The following PHC2 variants were observed in gnomAD, a reference collection of about 807,000 sequenced individuals.
PHC2 encodes the protein polyhomeotic homolog 2.
In PHC2, 29 loss-of-function variants were observed where a neutral mutation model predicts 87.4. The ratio of observed to expected loss-of-function variants is 0.33; its 90% confidence interval spans 0.25 to 0.45. The LOEUF (loss-of-function observed/expected upper bound fraction) is 0.45. Ranked by LOEUF, PHC2 falls within the 20% of genes least tolerant of loss-of-function variation. The pLI is 1.00. For missense variants in PHC2, 857 were observed against 1,136.7 expected, an observed-to-expected ratio of 0.75 and a Z score of 3.54; for synonymous variants, 438 against 461.7, an observed-to-expected ratio of 0.95 and a Z score of 0.66.
Position 33,349,512 on chromosome 1 carries a change from G to A in PHC2, c.1558+4889C>T, listed in dbSNP as rs1646916648. 15 of 984,730 alleles carry A rather than the reference G, an allele frequency of 1.5e-5. No individual in the cohort carries two copies. Among genetic ancestry groups the A allele is most frequent in the Admixed American group, 6.1e-5 (1 of 16,280 alleles). 61.0% of individuals were successfully genotyped at this position (984,730 alleles called of 1,614,324 possible). A position where few individuals can be genotyped will look rare whatever the true frequency, so the allele number is the denominator to read the frequency against. ...GTAGGCCCGGGCCGTTAGGGGCACCGAGGGCGGTGCCCGACTTCCAGTGCG... is the reference window on the plus strand; with the variant it reads ...GTAGGCCCGGGCCGTTAGGGGCACCAAGGGCGGTGCCCGACTTCCAGTGCG... On this transcript the variant is annotated intron_variant, in intron 9 of 14. Transcript: ENST00000683057. The surrounding 1 kb of genome is among the most constrained non-coding windows in gnomAD (Gnocchi z 4.2).
At chr1:33,418,889 T>G (rs1650314563) in intron 1 of PHC2, among the ~76,000 whole-genome samples, 1 of 152,240 alleles carries the variant, frequency 6.6e-6, no homozygotes, top group African/African-American at 2.4e-5. Flanking sequence ...GAAAAGACTT[T>G]AGACACTGTC....
At chr1:33,404,886 C>G (rs1452967898) in intron 1 of PHC2, among the ~76,000 whole-genome samples, 3 of 152,154 alleles carry the variant, frequency 2.0e-5, no homozygotes, top group African/African-American at 7.2e-5. Flanking sequence ...GACAAGGAGA[C>G]AGTCATTGCA....
chr1:33,374,120 T>C (rs1360701708), intron 2 of PHC2, among the ~76,000 whole-genome samples: 1 of 152,208 alleles, frequency 6.6e-6, no homozygotes, highest in East Asian at 1.9e-4. Context: ...TCCCTTTGCC[T>C]AGGCCTTTCT....
chr1:33,349,860 G>A lies in PHC2; in HGVS notation c.1558+4541C>T, dbSNP rs536766656. On this transcript the variant is annotated intron_variant, in intron 9 of 14. Transcript: ENST00000683057. This position sits in a 1 kb window ranked among gnomAD's most constrained non-coding sequence, Gnocchi z 4.2. The stretch of plus-strand genomic sequence containing the variant: ...CGGCCGGGGTTGCGCGCGCGCGCGC[G>A]GCGGGCGCTCGAGGGCTGCAGCCGC... The A allele has an allele frequency of 3.3e-5, 32 of 975,370 alleles. No homozygotes were observed. The South Asian group carries it at 6.0e-4, about 18-fold the overall frequency. 60.4% of individuals were successfully genotyped at this position (975,370 alleles called of 1,614,324 possible). A position where few individuals can be genotyped will look rare whatever the true frequency, so the allele number is the denominator to read the frequency against.
chr1:33,334,803 C>T lies in PHC2; in HGVS notation c.1559-511G>A, dbSNP rs1362424580. Among the ~76,000 whole-genome samples the T allele has an allele frequency of 6.6e-6, 1 of 152,156 alleles. No homozygotes were observed. The highest frequency in any genetic ancestry group is 2.4e-5 in the African/African-American group (1 of 41,434). ...CCCTGTGAAATGTCAAAACACTGAA[C>T]CCCAGAAATTGATGCCAAGGGAATG... On this transcript the variant is annotated intron_variant, in intron 9 of 14. Transcript: ENST00000683057. This position sits in a 1 kb window ranked among gnomAD's most constrained non-coding sequence, Gnocchi z 5.5.
In PHC2 at chr1:33,349,363, C is replaced by A. The variant is rs950601948; in HGVS notation, c.1558+5038G>T. On this transcript the variant is annotated intron_variant, in intron 9 of 14. Transcript: ENST00000683057. The surrounding 1 kb of genome is among the most constrained non-coding windows in gnomAD (Gnocchi z 4.2). Reference sequence around the variant, plus strand: ...TGGGGACGCGGAAGCTGCGGCGCGCCGAGGTGACACGGCTTCCAGGGGCGA... The same window carrying A: ...TGGGGACGCGGAAGCTGCGGCGCGCAGAGGTGACACGGCTTCCAGGGGCGA... 1.0e-6 allele frequency: 1 copy of A among 985,258 alleles called. No individual in the cohort carries two copies. Among genetic ancestry groups the A allele is most frequent in the Non-Finnish European group, 1.2e-6 (1 of 829,950 alleles). 61.0% of individuals were successfully genotyped at this position (985,258 alleles called of 1,614,324 possible).
intron 9 of PHC2, among the ~76,000 whole-genome samples, chr1:33,341,927 G>C (rs1214089202): frequency 6.6e-6 from 1 of 152,248 alleles, no homozygotes; most frequent in Admixed American, 6.5e-5. Context: ...GGGCAGAGCT[G>C]TCAAAGGGAC....
chr1:33,391,255 G>C (rs947014299), intron 1 of PHC2, among the ~76,000 whole-genome samples: 1 of 152,196 alleles, frequency 6.6e-6, no homozygotes. Context: ...TGGGGAAGCA[G>C]AAGTGGAACA....
chr1:33,372,362 A>C lies in PHC2; in HGVS notation c.260T>G (p.Met87Arg). Residue 87 changes from methionine (M) to arginine (R), a missense_variant, in exon 3 of 15, where the codon ATG becomes AGG. By Grantham distance (91) the Met-to-Arg change is moderately conservative. This residue lies in a region of PHC2 where 832 missense variants were observed against 1,081.8 expected (regional missense o/e 0.77). Coordinates refer to ENST00000683057, the MANE Select transcript of PHC2 (RefSeq NM_001385109.1). ...CTGCTGGAGCGCCGCGGTCTGCAGC[A>C]TGAGGTGCTGCTGCTGGGCGGCGTA... is the stretch of plus-strand genomic sequence containing the variant. ...QMYAAQQQHL[M>R]LQTAALQQQH... is the part of the protein sequence containing the mutation. 1 of 1,607,004 alleles carries C rather than the reference A, an allele frequency of 6.2e-7. No homozygotes were observed. Among genetic ancestry groups the C allele is most frequent in the African/African-American group, 1.3e-5 (1 of 74,798 alleles).
intron 9 of PHC2, among the ~76,000 whole-genome samples, chr1:33,341,160 C>G (rs1366041655): frequency 6.6e-6 from 1 of 152,198 alleles, no homozygotes; most frequent in Non-Finnish European, 1.5e-5. Flanking sequence ...AAATGGGGTA[C>G]TTATATCTGT....
intron 7 of PHC2, among the ~76,000 whole-genome samples, chr1:33,356,279 A>G (rs866799458): frequency 4.6e-4 from 59 of 129,226 alleles, no homozygotes; most frequent in African/African-American, 6.4e-4. Context: ...ATATATATGT[A>G]TATATATATA....
intron 1 of PHC2, among the ~76,000 whole-genome samples, chr1:33,406,538 G>C (rs1428877252): frequency 6.6e-6 from 1 of 152,150 alleles, no homozygotes; most frequent in Non-Finnish European, 1.5e-5. Flanking sequence ...ATCACCCACA[G>C]TTGAAAACTT....
intron 1 of PHC2, among the ~76,000 whole-genome samples, chr1:33,414,366 T>G (rs374721922): frequency 6.6e-6 from 1 of 152,192 alleles, no homozygotes; most frequent in Admixed American, 6.5e-5. Flanking sequence ...CTGTAGTTAG[T>G]GGAGGCTTCT....
At chr1:33,391,637 CTATTCCCTTTGATAGGAAAAAAAAAAAA>C (rs1466617609) in intron 1 of PHC2, among the ~76,000 whole-genome samples, 1 of 146,216 alleles carries the variant, frequency 6.8e-6, no homozygotes, top group Non-Finnish European at 1.5e-5. Context: ...ATGCCTAATA[CTATTCCCTTTGATAGGAAAAAAAAAAAA>C]AGGCAGTGCT....
chr1:33,335,467 A>G (rs1167363589), intron 9 of PHC2: 1 of 313,906 alleles, frequency 3.2e-6, no homozygotes, highest in East Asian at 1.7e-4. Context: ...ATTTCAGCAC[A>G]CTTGTTAAGT....
rs1385225437 is a variant in PHC2, at chr1:33,334,532, G to A, written c.1559-240C>T. 3.9e-5 allele frequency among the ~76,000 whole-genome samples: 6 copies of A among 152,246 alleles called. No individual in the cohort carries two copies. The highest frequency in any genetic ancestry group is 7.3e-5 in the Non-Finnish European group (5 of 68,048). ...AACGCATGCAGCTAATCAGCTAGCA[G>A]TGTTTCTTCATTTCCCAACCGTGCT... On this transcript the variant is annotated intron_variant, in intron 9 of 14. Transcript: ENST00000683057. The surrounding 1 kb of genome is among the most constrained non-coding windows in gnomAD (Gnocchi z 5.5).
At chr1:33,427,147 G>C (rs936063115) in intron 1 of PHC2, among the ~76,000 whole-genome samples, 8 of 152,148 alleles carry the variant, frequency 5.3e-5, no homozygotes, top group Non-Finnish European at 7.3e-5. Context: ...TAGTCTTTCC[G>C]TGCTGCCAAG....
chr1:33,386,345 G>A (rs1015853633), intron 1 of PHC2, among the ~76,000 whole-genome samples: 3 of 151,318 alleles, frequency 2.0e-5, no homozygotes, highest in African/African-American at 4.9e-5. Context: ...GTGAAACCCC[G>A]TCTCTACTGA....
At chr1:33,355,693 A>G (rs1570477879) in intron 7 of PHC2, among the ~76,000 whole-genome samples, 1 of 152,196 alleles carries the variant, frequency 6.6e-6, no homozygotes, top group Non-Finnish European at 1.5e-5. Flanking sequence ...GCTAGTCCTC[A>G]TCCAGCCTCT....
Sources: gnomAD v4.1 joint callset for allele counts (sites outside exome capture counted in the v4.1 genomes callset) on GRCh38, gnomAD v4.1.1 for gene constraint, gnomAD v4.1.1 regional missense constraint, Gnocchi (gnomAD v3.1) non-coding constraint, MANE v1.5 for transcripts, NCBI Gene and HGNC (gene_info 2026-07-23, HGNC 2026-07-21) for gene names.